The following UBFD1 variants were observed in gnomAD, a reference collection of about 807,000 sequenced individuals.
UBFD1 encodes ubiquitin domain-containing protein UBFD1.
Under a neutral mutation model 35.1 loss-of-function variants are expected in UBFD1, and 12 were observed. The observed-to-expected ratio is 0.34, with a 90% CI of 0.22 to 0.55. The LOEUF is 0.55. Among genes scored for constraint, UBFD1 ranks in the 20% least tolerant of loss-of-function variants. The probability of loss-of-function intolerance (pLI) is 0.89; values close to 1 mark genes in which losing one functional copy is unlikely to be tolerated. For synonymous variants in UBFD1, 178 were observed against 167.6 expected (o/e 1.06, Z -0.48); for missense variants, 337 against 410.8 (o/e 0.82, Z 1.55).
chr16:23,558,332 C>A (rs1418210743), intron 2 of UBFD1, 53 bp downstream of exon 2: 5 of 1,584,170 alleles, frequency 3.2e-6, no homozygotes, highest in Non-Finnish European at 4.3e-6. Flanking sequence ...TCCTGATGGC[C>A]CTTGCACCCT....
In UBFD1 at chr16:23,558,072, G is replaced by A. The variant is rs776236181; in HGVS notation, c.148G>A (p.Ala50Thr). ...GGCGGCGGCCGAGGACTCCGGCGCC[G>A]CACGAGGCAGCCTGCAGCCGGCCCC... ...AGAAAEDSGA[A>T]RGSLQPAPAQ... Residue 50 changes from alanine (A) to threonine (T), a missense_variant, in exon 2 of 7, where the codon GCA becomes ACA. Ala to Thr is a moderately conservative substitution (Grantham distance 58). Coordinates refer to ENST00000395878, the MANE Select transcript of UBFD1 (RefSeq NM_019116.3). 4.2e-6 allele frequency: 6 copies of A among 1,424,886 alleles called. No individual in the cohort carries two copies. Among genetic ancestry groups the A allele is most frequent in the Admixed American group, 3.7e-5 (1 of 27,196 alleles). 88.3% of individuals were successfully genotyped at this position (1,424,886 alleles called of 1,614,324 possible).
intron 2 of UBFD1, 187 bp from the exon 3 acceptor site, chr16:23,559,281 T>A: frequency 1.8e-6 from 1 of 562,158 alleles, no homozygotes; most frequent in Non-Finnish European, 3.2e-6. Flanking sequence ...CAGAAGGACT[T>A]ACTCTAATAA....
intron 6 of UBFD1, among the ~76,000 whole-genome samples, chr16:23,569,851 G>C (rs1191645255): frequency 6.6e-6 from 1 of 152,146 alleles, no homozygotes; most frequent in Non-Finnish European, 1.5e-5. Context: ...ATTATGTATT[G>C]TTCTACAACT....
rs753855981 is a variant in UBFD1, at chr16:23,558,098, G to A, written c.174G>A (p.Pro58=). The change falls in exon 2 of 7, where the codon CCG becomes CCA. Residue 58 remains proline, a synonymous_variant. Transcript: ENST00000395878. Reference sequence around the variant, plus strand: ...CACGAGGCAGCCTGCAGCCGGCCCCGGCCCAGCCCCCTGGGGACCCCGCAG... The same window carrying A: ...CACGAGGCAGCCTGCAGCCGGCCCCAGCCCAGCCCCCTGGGGACCCCGCAG... ...GAARGSLQPA[P]AQPPGDPAAQ... 3 of 1,534,044 alleles carry A rather than the reference G, an allele frequency of 2.0e-6. No individual in the cohort carries two copies. The highest frequency in any genetic ancestry group is 2.9e-5 in the African/African-American group (2 of 69,522).
At chr16:23,566,038 C>G (rs933492441) in intron 5 of UBFD1, 1 of 152,328 alleles carries the variant, frequency 6.6e-6, no homozygotes, top group African/African-American at 2.4e-5. Context: ...CCTCCTTAAA[C>G]TCGCCTCAAT....
At chr16:23,559,700 G>A in intron 3 of UBFD1, 24 bp downstream of exon 3, 1 of 1,613,860 alleles carries the variant, frequency 6.2e-7, no homozygotes, top group Non-Finnish European at 8.5e-7. Flanking sequence ...GTGCTTCTTG[G>A]TCTTGAGAAA....
chr16:23,558,801 G>A (rs888548066), intron 2 of UBFD1, among the ~76,000 whole-genome samples: 1 of 138,424 alleles, frequency 7.2e-6, no homozygotes, highest in South Asian at 2.5e-4. Flanking sequence ...TTTTTTTTGA[G>A]ACGGAGTCTT....
At chr16:23,564,732 T>C (rs1468276828) in intron 5 of UBFD1, 1 of 152,256 alleles carries the variant, frequency 6.6e-6, no homozygotes, top group Non-Finnish European at 1.5e-5. Flanking sequence ...GAACTAAGTC[T>C]GTAAGTGCTC....
In UBFD1 at chr16:23,573,519, TTAAG is replaced by T. The variant is rs1463516656; in HGVS notation, c.*2931_*2934del. 6.6e-6 allele frequency: 1 copy of T among 152,574 alleles called. No homozygotes were observed. Among genetic ancestry groups the T allele is most frequent in the Non-Finnish European group, 1.5e-5 (1 of 68,060 alleles). The allele number at this position is 152,574 out of a possible 1,614,324, so 9.5% of individuals were successfully genotyped here. A position where few individuals can be genotyped will look rare whatever the true frequency, so the allele number is the denominator to read the frequency against. ...CGCGAGTTGCTGGACCTCTTTGGTA[TTAAG>T]TGTTTGAATCCATGGTGGGCCTTTT... On this transcript the variant is annotated 3_prime_UTR_variant, in exon 7 of 7. Transcript: ENST00000395878.
intron 4 of UBFD1, 145 bp downstream of exon 4, chr16:23,562,416 T>C (rs2142214308): frequency 3.5e-6 from 3 of 853,764 alleles, no homozygotes; most frequent in South Asian, 1.8e-5. Flanking sequence ...GGCTGGGGTG[T>C]GCCACCACAC....
intron 6 of UBFD1, among the ~76,000 whole-genome samples, chr16:23,568,049 A>G (rs1966034428): frequency 6.6e-6 from 1 of 152,178 alleles, no homozygotes; most frequent in Non-Finnish European, 1.5e-5. Context: ...GGCTGTAGCA[A>G]GGCTGTAGCT....
chr16:23,559,776 C>CA (rs1346698492), intron 3 of UBFD1, 100 bp downstream of exon 3: 1 of 1,561,696 alleles, frequency 6.4e-7, no homozygotes, highest in Non-Finnish European at 8.7e-7. Flanking sequence ...CCTTTTTGGA[C>CA]AGGGCCCATG....
intron 2 of UBFD1, 140 bp downstream of exon 2, chr16:23,558,419 C>A: frequency 1.8e-6 from 2 of 1,084,080 alleles, no homozygotes; most frequent in Non-Finnish European, 2.5e-6. Flanking sequence ...CTTGGATGCC[C>A]ATTACTCAGC....
intron 5 of UBFD1, among the ~76,000 whole-genome samples, chr16:23,563,219 C>A (rs1412258721): frequency 1.3e-5 from 2 of 152,000 alleles, no homozygotes; most frequent in African/African-American, 4.8e-5. Context: ...TCCCATTTAT[C>A]TTAGAAGTAG....
chr16:23,572,507 G>C lies in UBFD1; in HGVS notation c.*1917G>C, dbSNP rs1054849453. ...CCTAGAGACTTGTCCTGACAGTGCC[G>C]CACACCTACTTTTGATCTCTCAGAG... On this transcript the variant is annotated 3_prime_UTR_variant, in exon 7 of 7. Transcript: ENST00000395878. 2.6e-5 allele frequency: 4 copies of C among 152,896 alleles called. No individual in the cohort carries two copies. Among genetic ancestry groups the C allele is most frequent in the Non-Finnish European group, 4.4e-5 (3 of 68,054 alleles). The allele number at this position is 152,896 out of a possible 1,614,324, so 9.5% of individuals were successfully genotyped here.
At chr16:23,564,833 C>T (rs1254976410) in intron 5 of UBFD1, 1 of 152,088 alleles carries the variant, frequency 6.6e-6, no homozygotes, top group Non-Finnish European at 1.5e-5. Context: ...ACTTCCTGAC[C>T]CTGTATTGGA....
At chr16:23,563,941 C>G (rs140101066) in intron 5 of UBFD1, 2 of 152,244 alleles carry the variant, frequency 1.3e-5, no homozygotes, top group African/African-American at 4.8e-5. Context: ...ATTCTCCCCC[C>G]ACCCTCCAAA....
chr16:23,568,157 C>CTTTTTT (rs34119136), intron 6 of UBFD1, among the ~76,000 whole-genome samples: 3 of 114,644 alleles, frequency 2.6e-5, no homozygotes, highest in Non-Finnish European at 3.5e-5. Context: ...TCTCTGTAGT[C>CTTTTTT]TTTTTTTTTT....
At position 23,562,260 on chromosome 16, in the gene UBFD1, A is replaced by G; in HGVS notation, c.619A>G (p.Lys207Glu). Residue 207 changes from lysine (K) to glutamate (E), a missense_variant, in exon 4 of 7, where the codon AAG becomes GAG. Transcript: ENST00000395878. ...ACCTGAAGATGTGATGCCATCTGTT[A>G]AGGGGGCCCAGGTAAGGCGGATTTC... ...GKPEDVMPSVKGAQERLPTVP... is the reference protein window; with the variant it reads ...GKPEDVMPSVEGAQERLPTVP... The G allele has an allele frequency of 6.2e-7, 1 of 1,614,056 alleles. No individual in the cohort carries two copies. The highest frequency in any genetic ancestry group is 8.5e-7 in the Non-Finnish European group (1 of 1,179,960).
Sources: allele counts gnomAD v4.1 joint callset (sites outside exome capture counted in the v4.1 genomes callset), GRCh38; gene constraint gnomAD v4.1.1; transcripts MANE v1.5; gene names NCBI Gene and HGNC (gene_info 2026-07-23, HGNC 2026-07-21).